Variants in GNAQ observed in about 807,000 individuals in gnomAD.
GNAQ encodes the protein guanine nucleotide-binding protein G(q) subunit alpha.
In GNAQ, 8 loss-of-function variants were observed where a neutral mutation model predicts 43.9. The observed-to-expected ratio is 0.18, with a 90% confidence interval of 0.11 to 0.33. GNAQ has a LOEUF of 0.33. Among genes scored for constraint, GNAQ ranks in the 10% least tolerant of loss-of-function variants. The probability of loss-of-function intolerance (pLI) is 1.00; values close to 1 mark genes in which losing one functional copy is unlikely to be tolerated. For synonymous variants in GNAQ, 155 were observed against 170.7 expected (o/e 0.91, Z 0.71); for missense variants, 158 against 450.8 (o/e 0.35, Z 5.88).
At chr9:77,756,444 T>TTA (rs1227651676) in intron 5 of GNAQ, among the ~76,000 whole-genome samples, 2 of 152,212 alleles carry the variant, frequency 1.3e-5, no homozygotes, top group Non-Finnish European at 1.5e-5. Flanking sequence ...TCTAGGAGAA[T>TTA]TATAGCCAGA....
intron 2 of GNAQ, among the ~76,000 whole-genome samples, chr9:77,816,499 G>A (rs1375955187): frequency 6.6e-6 from 1 of 152,068 alleles, no homozygotes; most frequent in Non-Finnish European, 1.5e-5. Context: ...TTAAAAATAA[G>A]ATTGCAATGA....
intron 2 of GNAQ, among the ~76,000 whole-genome samples, chr9:77,862,295 G>A (rs1030537595): frequency 2.0e-5 from 3 of 152,146 alleles, no homozygotes; most frequent in Admixed American, 6.5e-5. Flanking sequence ...TTTCCCTTCC[G>A]CCCTGCCCTA....
intron 2 of GNAQ, among the ~76,000 whole-genome samples, chr9:77,831,877 A>C (rs556882001): frequency 6.6e-6 from 1 of 152,298 alleles, no homozygotes; most frequent in Admixed American, 6.5e-5. Flanking sequence ...ACCTGCCTTC[A>C]GTTTTCTAAG....
intron 2 of GNAQ, among the ~76,000 whole-genome samples, chr9:77,854,246 C>A (rs1340191215): frequency 6.6e-6 from 1 of 152,044 alleles, no homozygotes; most frequent in African/African-American, 2.4e-5. Context: ...ATTAAAGATA[C>A]AATGGCTAAA....
At chr9:77,834,742 A>G (rs1212338246) in intron 2 of GNAQ, among the ~76,000 whole-genome samples, 1 of 152,188 alleles carries the variant, frequency 6.6e-6, no homozygotes, top group African/African-American at 2.4e-5. Context: ...CCATAAGATT[A>G]TCAAGAACTT....
At chr9:77,754,257 C>A (rs898410993) in intron 5 of GNAQ, among the ~76,000 whole-genome samples, 3 of 152,162 alleles carry the variant, frequency 2.0e-5, no homozygotes, top group African/African-American at 7.2e-5. Flanking sequence ...GCTTTCCTGC[C>A]ACACTGCATT....
chr9:77,987,850 G>GT (rs1258206239), intron 1 of GNAQ, among the ~76,000 whole-genome samples: 1 of 152,116 alleles, frequency 6.6e-6, no homozygotes, highest in African/African-American at 2.4e-5. Flanking sequence ...GGGCAGCACA[G>GT]TGAGACCCCC....
chr9:77,933,322 C>G (rs1165081032), intron 1 of GNAQ, among the ~76,000 whole-genome samples: 1 of 152,124 alleles, frequency 6.6e-6, no homozygotes, highest in Non-Finnish European at 1.5e-5. Context: ...ACTTGTTGGT[C>G]TCTAAGTTCC....
chr9:77,987,235 G>A (rs189897176), intron 1 of GNAQ, among the ~76,000 whole-genome samples: 40 of 152,230 alleles, frequency 2.6e-4, no homozygotes, highest in African/African-American at 8.2e-4. Context: ...CTATAAAAGT[G>A]TCAATATTAT....
At chr9:77,970,903 A>G (rs142957779) in intron 1 of GNAQ, among the ~76,000 whole-genome samples, 3 of 152,266 alleles carry the variant, frequency 2.0e-5, no homozygotes, top group South Asian at 2.1e-4. Flanking sequence ...AGAAGAAAAG[A>G]GAGAAGAACC....
At chr9:77,873,510 A>T (rs1224703097) in intron 2 of GNAQ, among the ~76,000 whole-genome samples, 1 of 152,212 alleles carries the variant, frequency 6.6e-6, no homozygotes, top group Non-Finnish European at 1.5e-5. Flanking sequence ...GTATTTAGGC[A>T]TTTGTGGCAG....
At chr9:77,834,931 T>C (rs528108403) in intron 2 of GNAQ, among the ~76,000 whole-genome samples, 3 of 152,296 alleles carry the variant, frequency 2.0e-5, no homozygotes, top group African/African-American at 7.2e-5. Context: ...ACCATACTGG[T>C]TGAGTTTTCA....
At chr9:77,934,094 G>A (rs1829194154) in intron 1 of GNAQ, among the ~76,000 whole-genome samples, 1 of 152,134 alleles carries the variant, frequency 6.6e-6, no homozygotes, top group Non-Finnish European at 1.5e-5. Context: ...TATTCATCAA[G>A]AGATCAGCTA....
chr9:77,730,437 C>T (rs1825469935), intron 5 of GNAQ, among the ~76,000 whole-genome samples: 1 of 152,162 alleles, frequency 6.6e-6, no homozygotes, highest in African/African-American at 2.4e-5. Flanking sequence ...TCAGCTTTTA[C>T]CAAGTACAAT....
rs1038529397 is a variant in GNAQ at position 78,031,448 on chromosome 9, C to T, written c.-213G>A. ...CGGGGGCGCGGTGGGAGCGGATAGT[C>T]TGGGCCGACGGGAGAAGAGAGGCGG... On this transcript the variant is annotated 5_prime_UTR_variant, in exon 1 of 7. Transcript: ENST00000286548. 10 of 206,088 alleles carry T rather than the reference C, an allele frequency of 4.9e-5. No individual in the cohort carries two copies. The highest frequency in any genetic ancestry group is 2.4e-4 in the African/African-American group (10 of 42,434). The allele number at this position is 206,088 out of a possible 1,614,324, so 12.8% of individuals were successfully genotyped here.
intron 2 of GNAQ, among the ~76,000 whole-genome samples, chr9:77,848,026 T>C (rs1256165609): frequency 6.6e-6 from 1 of 152,246 alleles, no homozygotes; most frequent in Non-Finnish European, 1.5e-5. Context: ...TTGGATGCTC[T>C]GGATTTCAGC....
chr9:77,773,780 G>A (rs886369717), intron 5 of GNAQ, among the ~76,000 whole-genome samples: 9 of 152,132 alleles, frequency 5.9e-5, no homozygotes, highest in Admixed American at 1.3e-4. Flanking sequence ...ATTTAACTGA[G>A]GCAGAATAAG....
intron 2 of GNAQ, among the ~76,000 whole-genome samples, chr9:77,847,874 T>C (rs938533420): frequency 3.3e-5 from 5 of 152,236 alleles, no homozygotes; most frequent in African/African-American, 1.2e-4. Context: ...GTAATCTGCC[T>C]GCCCATGGGG....
chr9:78,018,910 A>T (rs1484451959), intron 1 of GNAQ, among the ~76,000 whole-genome samples: 1 of 152,238 alleles, frequency 6.6e-6, no homozygotes, highest in Non-Finnish European at 1.5e-5. Context: ...GATACACTGT[A>T]ATTTGAGTAG....
Sources: allele counts gnomAD v4.1 joint callset (sites outside exome capture counted in the v4.1 genomes callset), GRCh38; gene constraint gnomAD v4.1.1; transcripts MANE v1.5; gene names NCBI Gene and HGNC (gene_info 2026-07-23, HGNC 2026-07-21).